The following ARHGEF9 variants were observed in gnomAD, a reference collection of about 807,000 sequenced individuals.
ARHGEF9 encodes the protein rho guanine nucleotide exchange factor 9.
In ARHGEF9, 2 loss-of-function variants were observed where a neutral mutation model predicts 41.3. That is an observed-to-expected ratio of 0.05 (90% confidence interval 0.02 to 0.15). The LOEUF is 0.15. Ranked by LOEUF, ARHGEF9 falls within the 10% of genes least tolerant of loss-of-function variation. The probability of loss-of-function intolerance (pLI) is 1.00; values close to 1 mark genes in which losing one functional copy is unlikely to be tolerated. For synonymous variants in ARHGEF9, 160 were observed against 154.4 expected (o/e 1.04, Z -0.27); for missense variants, 225 against 424.7 (o/e 0.53, Z 4.13).
chrX:63,644,194 A>C, intron 8 of ARHGEF9, 146 bp from the exon 9 acceptor site: 1 of 424,747 alleles, frequency 2.4e-6, no homozygotes, highest in Non-Finnish European at 3.8e-6. Flanking sequence ...ATTCCCTTTA[A>C]CCCAGTAATT....
At chrX:63,742,145 A>C (rs185803455) in intron 1 of ARHGEF9, among the ~76,000 whole-genome samples, 10 of 112,163 alleles carry the variant, frequency 8.9e-5, no homozygotes, top group South Asian at 3.8e-4. Flanking sequence ...CAAGAGGCTT[A>C]GCCACCCCTC....
intron 1 of ARHGEF9, among the ~76,000 whole-genome samples, chrX:63,736,078 C>A (rs1342520913): frequency 3.6e-5 from 4 of 111,956 alleles, no homozygotes; most frequent in Non-Finnish European, 7.5e-5. Flanking sequence ...GCCATTGGGT[C>A]AGGCCCCAAG....
chrX:63,773,652 G>T (rs1458162979), intron 1 of ARHGEF9, among the ~76,000 whole-genome samples: 1 of 111,964 alleles, frequency 8.9e-6, no homozygotes, highest in Non-Finnish European at 1.9e-5. Flanking sequence ...ATTACTCTGG[G>T]TGTGTCTGTG....
chrX:63,777,818 C>T (rs1392610520), intron 1 of ARHGEF9, among the ~76,000 whole-genome samples: 1 of 112,792 alleles, frequency 8.9e-6, no homozygotes, highest in Non-Finnish European at 1.9e-5. Context: ...CATCAGGTCA[C>T]TGTGAAACAA....
chrX:63,637,973 C>G lies in ARHGEF9; in HGVS notation c.*55G>C. On this transcript the variant is annotated 3_prime_UTR_variant, in exon 10 of 10. Transcript: ENST00000671741. ...AGTGCTTCTCCGAAAAAAGGTCCAT[C>G]TATAAATATAATTTTATTTACTTTA... 1 of 1,088,930 alleles carries G rather than the reference C, an allele frequency of 9.2e-7. No homozygotes were observed. Among genetic ancestry groups the G allele is most frequent in the South Asian group, 2.1e-5 (1 of 46,953 alleles). The allele number at this position is 1,088,930 out of a possible 1,213,427, so 89.7% of individuals were successfully genotyped here.
chrX:63,672,167 G>A (rs1360766178), intron 6 of ARHGEF9, among the ~76,000 whole-genome samples: 1 of 110,750 alleles, frequency 9.0e-6, no homozygotes, highest in African/African-American at 3.3e-5. Flanking sequence ...TGCCATGTGA[G>A]GTTACAATGA....
At chrX:63,687,909 G>A (rs1161249883) in intron 4 of ARHGEF9, among the ~76,000 whole-genome samples, 3 of 110,645 alleles carry the variant, frequency 2.7e-5, no homozygotes, top group Admixed American at 9.7e-5. Context: ...CTTTAAAGAG[G>A]ATGTTGAGAA....
At chrX:63,666,143 G>C in intron 6 of ARHGEF9, 126 bp from the exon 7 acceptor site, 1 of 881,860 alleles carries the variant, frequency 1.1e-6, no homozygotes, top group Non-Finnish European at 1.6e-6. Context: ...GGTAGAGACA[G>C]AGGGAGAGAG....
chrX:63,691,603 T>C (rs181161271), intron 4 of ARHGEF9, among the ~76,000 whole-genome samples: 1 of 111,176 alleles, frequency 9.0e-6, no homozygotes, highest in East Asian at 2.8e-4. Flanking sequence ...ATTAATATTG[T>C]TAAATTAATA....
intron 4 of ARHGEF9, among the ~76,000 whole-genome samples, chrX:63,689,304 G>T (rs781983334): frequency 1.8e-5 from 2 of 111,631 alleles, no homozygotes; most frequent in African/African-American, 3.3e-5. Context: ...GATGGAAAAA[G>T]ATACTGCGTA....
At chrX:63,667,922 C>T (rs1170072157) in intron 6 of ARHGEF9, among the ~76,000 whole-genome samples, 1 of 110,819 alleles carries the variant, frequency 9.0e-6, no homozygotes, top group Non-Finnish European at 1.9e-5. Context: ...AGAGAGGTTC[C>T]CACCCTGATG....
chrX:63,719,451 C>T (rs1556412194), intron 2 of ARHGEF9, among the ~76,000 whole-genome samples: 2 of 112,124 alleles, frequency 1.8e-5, no homozygotes, highest in African/African-American at 6.5e-5. Flanking sequence ...GATTAAGATT[C>T]AGAAGGGGAC....
intron 2 of ARHGEF9, among the ~76,000 whole-genome samples, chrX:63,707,948 T>C (rs1556403911): frequency 8.9e-6 from 1 of 112,114 alleles, no homozygotes; most frequent in African/African-American, 3.2e-5. Context: ...ATGTATTTTG[T>C]ATATACAGCC....
chrX:63,657,385 C>G (rs1346562713), intron 7 of ARHGEF9: 1 of 111,809 alleles, frequency 8.9e-6, no homozygotes, highest in Non-Finnish European at 1.9e-5. Flanking sequence ...CTGGGAAAGG[C>G]TACCTTGCAG....
Position 63,754,416 on chromosome X carries a change from T to G in ARHGEF9, c.31-29705A>C, listed in dbSNP as rs2055847247. 4 of 1,182,168 alleles carry G rather than the reference T, an allele frequency of 3.4e-6. No homozygotes were observed. The Admixed American group carries it at 9.7e-5, about 29-fold the overall frequency. ...CCCTGTCTCTGTCTGTGATTTTTTT[T>G]TTTTCTCGGTGGCTCTCGGGATGAA... On this transcript the variant is annotated intron_variant, in intron 1 of 9. Coordinates refer to ENST00000671741, the MANE Select transcript of ARHGEF9 (RefSeq NM_001353921.2).
At chrX:63,781,139 AT>A (rs1271724426) in intron 1 of ARHGEF9, among the ~76,000 whole-genome samples, 2 of 112,305 alleles carry the variant, frequency 1.8e-5, no homozygotes, top group Non-Finnish European at 3.8e-5. Flanking sequence ...TAAATTTTGA[AT>A]TTGAATATCT....
chrX:63,693,039 G>A (rs1283505246), intron 4 of ARHGEF9, among the ~76,000 whole-genome samples: 1 of 111,551 alleles, frequency 9.0e-6, no homozygotes, highest in Non-Finnish European at 1.9e-5. Context: ...GAGTATAGTA[G>A]TAGTTACCAG....
chrX:63,757,520 C>T (rs1372133976), intron 1 of ARHGEF9, among the ~76,000 whole-genome samples: 14 of 111,841 alleles, frequency 1.3e-4, no homozygotes, highest in Admixed American at 1.2e-3. Context: ...ACTGAGCTTG[C>T]CAGAAACCAA....
chrX:63,659,614 C>T (rs782799481), intron 7 of ARHGEF9, among the ~76,000 whole-genome samples: 3 of 110,975 alleles, frequency 2.7e-5, no homozygotes, highest in East Asian at 2.8e-4. Flanking sequence ...TAGAGGGGAC[C>T]CTAGTTACTC....
Sources: allele counts gnomAD v4.1 joint callset (sites outside exome capture counted in the v4.1 genomes callset), GRCh38; gene constraint gnomAD v4.1.1; transcripts MANE v1.5; gene names NCBI Gene and HGNC (gene_info 2026-07-23, HGNC 2026-07-21).